The following PROCR variants were observed in gnomAD, a reference collection of about 807,000 sequenced individuals.
PROCR encodes protein C receptor, also known as endothelial protein C receptor.
A neutral mutation model predicts 24.2 loss-of-function variants in PROCR; 22 were observed. That is an observed-to-expected ratio of 0.91 (90% CI 0.65 to 1.30). The LOEUF is 1.30. Among genes scored for constraint, PROCR ranks in the 50% most tolerant of loss-of-function variants. PROCR has a pLI of 0.00. For missense variants in PROCR, 288 were observed against 307.7 expected, an observed-to-expected ratio of 0.94 and a Z score of 0.48; for synonymous variants, 137 against 139.2, an observed-to-expected ratio of 0.98 and a Z score of 0.11.
chr20:35,172,674 G>A (rs546834513), intron 1 of PROCR, among the ~76,000 whole-genome samples: 2 of 152,102 alleles, frequency 1.3e-5, no homozygotes, highest in Non-Finnish European at 2.9e-5. Context: ...GGTTAGGGGA[G>A]GCTAGGGAAA....
chr20:35,174,838 G>T lies in PROCR; in HGVS notation c.207G>T (p.Gln69His). ...CAGACACCAACACCACGATCATTCA[G>T]CTGCAGCCCTTGCAGGAGCCCGAGA... ...EGPDTNTTII[Q>H]LQPLQEPESW... Residue 69 changes from glutamine to histidine, a missense_variant, in exon 2 of 4, where the codon CAG (glutamine) becomes CAT (histidine). Coordinates refer to ENST00000216968, the MANE Select transcript of PROCR (RefSeq NM_006404.5). 6.2e-7 allele frequency: 1 copy of T among 1,614,036 alleles called. No homozygotes were observed. Among genetic ancestry groups the T allele is most frequent in the East Asian group, 2.2e-5 (1 of 44,872 alleles).
downstream of PROCR, among the ~76,000 whole-genome samples, chr20:35,177,933 A>G (rs1415390833): frequency 6.6e-6 from 1 of 152,002 alleles, no homozygotes; most frequent in Non-Finnish European, 1.5e-5. Flanking sequence ...CCCTTTGACT[A>G]TGTCATCTTA....
intron 1 of PROCR, among the ~76,000 whole-genome samples, chr20:35,189,272 G>C (rs555378345): frequency 1.8e-4 from 27 of 147,000 alleles, no homozygotes; most frequent in African/African-American, 6.2e-4. Flanking sequence ...TTCCGGGGGG[G>C]GGCCTCTAAA....
In PROCR at chr20:35,176,409, G is replaced by A. The variant is rs780069208; in HGVS notation, c.564G>A (p.Gln188=). ...AATTCCTGGAGGACACCTGTGTGCA[G>A]TATGTGCAGAAACATATTTCCGCGG... is the stretch of plus-strand genomic sequence containing the variant. ...LREFLEDTCV[Q]YVQKHISAEN... is the part of the protein sequence containing the mutation. Residue 188 remains glutamine (Q), a synonymous_variant, in exon 3 of 4, where the codon CAG becomes CAA. Coordinates refer to ENST00000216968, the MANE Select transcript of PROCR (RefSeq NM_006404.5). 1.2e-5 allele frequency: 19 copies of A among 1,614,208 alleles called. No individual in the cohort carries two copies. The highest frequency in any genetic ancestry group is 1.6e-5 in the Non-Finnish European group (19 of 1,180,034).
intron 1 of PROCR, 23 bp downstream of exon 1, chr20:35,172,247 G>A (rs376532568): frequency 1.4e-5 from 22 of 1,612,686 alleles, no homozygotes; most frequent in Non-Finnish European, 1.8e-5. Context: ...CACATCTCCT[G>A]CCTCAGGATG....
intron 1 of PROCR, among the ~76,000 whole-genome samples, chr20:35,195,833 A>G (rs935311487): frequency 8.6e-5 from 13 of 151,142 alleles, no homozygotes; most frequent in African/African-American, 2.7e-4. Context: ...AAAAAAAAAA[A>G]AAAAGAAAAA....
intron 1 of PROCR, among the ~76,000 whole-genome samples, chr20:35,173,259 G>T (rs1379416063): frequency 6.6e-6 from 1 of 151,986 alleles, no homozygotes; most frequent in Non-Finnish European, 1.5e-5. Flanking sequence ...TGGCCTGTGT[G>T]TGTTTGGAGA....
intron 2 of PROCR, among the ~76,000 whole-genome samples, chr20:35,175,400 T>A (rs1198753357): frequency 7.1e-6 from 1 of 140,350 alleles, no homozygotes; most frequent in Admixed American, 7.3e-5. Context: ...CCCGAACTCT[T>A]CCCCCAAAGA....
intron 1 of PROCR, among the ~76,000 whole-genome samples, chr20:35,190,610 G>A (rs1568596426): frequency 6.6e-6 from 1 of 152,168 alleles, no homozygotes; most frequent in Non-Finnish European, 1.5e-5. Flanking sequence ...AAATGCAAGT[G>A]AAGAGGAGAT....
chr20:35,171,734 C>T (rs779808580), upstream of PROCR, among the ~76,000 whole-genome samples: 1 of 152,148 alleles, frequency 6.6e-6, no homozygotes, highest in Non-Finnish European at 1.5e-5. Context: ...TCCCCATCAG[C>T]AACCTGCTGA....
chr20:35,176,150 C>T lies in PROCR; in HGVS notation c.323-18C>T. The T allele has an allele frequency of 6.2e-7, 1 of 1,612,118 alleles. No homozygotes were observed. The highest frequency in any genetic ancestry group is 8.5e-7 in the Non-Finnish European group (1 of 1,178,276). The stretch of plus-strand genomic sequence containing the variant: ...ACCCTCTCTGCACAGTCCCCTGACC[C>T]TGACTGTCTATCCACAGTTCCTCTG... On this transcript the variant is annotated intron_variant, in intron 2 of 3. Transcript: ENST00000216968.
At chr20:35,209,476 T>C (rs1255032088) in intron 1 of PROCR, among the ~76,000 whole-genome samples, 6 of 152,118 alleles carry the variant, frequency 3.9e-5, no homozygotes, top group Admixed American at 3.9e-4. Context: ...AATAGAAAGT[T>C]GGGAGTTGTT....
intron 1 of PROCR, among the ~76,000 whole-genome samples, chr20:35,191,281 A>G (rs2086171094): frequency 6.6e-6 from 1 of 152,150 alleles, no homozygotes. Context: ...TCATGCATTT[A>G]TTTAAAAAAA....
intron 1 of PROCR, among the ~76,000 whole-genome samples, chr20:35,188,428 T>C (rs2086145679): frequency 6.6e-6 from 1 of 152,158 alleles, no homozygotes; most frequent in African/African-American, 2.4e-5. Context: ...AGAATTACAG[T>C]AGGTGAAAAG....
intron 1 of PROCR, among the ~76,000 whole-genome samples, chr20:35,189,753 G>A (rs1260476931): frequency 2.6e-5 from 4 of 151,994 alleles, no homozygotes; most frequent in Non-Finnish European, 4.4e-5. Context: ...AACACTTAGG[G>A]AAAATAGAAA....
intron 1 of PROCR, among the ~76,000 whole-genome samples, chr20:35,213,528 G>C (rs2060370025): frequency 1.3e-5 from 2 of 151,714 alleles, no homozygotes; most frequent in South Asian, 4.2e-4. Flanking sequence ...TGCAGATGAA[G>C]GCCTGAATTT....
In PROCR at chr20:35,192,105, CA is replaced by C. The variant is rs545017978; in HGVS notation, c.94+15660del. 8.7e-4 allele frequency among the ~76,000 whole-genome samples: 132 copies of C among 152,280 alleles called. 1 individual carries two copies. The highest frequency in any genetic ancestry group is 3.0e-3 in the African/African-American group (123 of 41,548). ...AGAAAAGACAGTATTGGCAAGGATACAGGCCAATTAGAACTTTCCTACACTG... is the reference window on the plus strand; with the variant it reads ...AGAAAAGACAGTATTGGCAAGGATACGGCCAATTAGAACTTTCCTACACTG... On this transcript the variant is annotated intron_variant, in intron 1 of 1. Transcript: ENST00000634509.
chr20:35,214,982 C>T (rs2060376601), intron 1 of PROCR, among the ~76,000 whole-genome samples: 1 of 148,966 alleles, frequency 6.7e-6, no homozygotes, highest in Non-Finnish European at 1.5e-5. Flanking sequence ...TCTCAGCTCA[C>T]TGCAACCTCT....
chr20:35,196,180 CAAAAAAAAAAAAAAA>C (rs68132775), intron 1 of PROCR, among the ~76,000 whole-genome samples: 2 of 63,474 alleles, frequency 3.2e-5, no homozygotes, highest in Admixed American at 5.0e-4. Flanking sequence ...AGACTGCCTC[CAAAAAAAAAAAAAAA>C]AAAAAAAAAA....
Sources: allele counts gnomAD v4.1 joint callset (sites outside exome capture counted in the v4.1 genomes callset), GRCh38; gene constraint gnomAD v4.1.1; transcripts MANE v1.5; gene names NCBI Gene and HGNC (gene_info 2026-07-23, HGNC 2026-07-21).